Variants in PCDHGB7 observed in about 807,000 individuals in gnomAD.
The protein encoded by PCDHGB7 is protocadherin gamma-B7.
Under a neutral mutation model 61.4 loss-of-function variants are expected in PCDHGB7, and 37 were observed. That is an observed-to-expected ratio of 0.60 (90% CI 0.46 to 0.79). The LOEUF is 0.79. PCDHGB7 is among the 30% of genes least tolerant of loss of function. The pLI is 0.00. For synonymous variants in PCDHGB7, 464 were observed against 503.5 expected, an observed-to-expected ratio of 0.92 and a Z score of 1.05; for missense variants, 1,166 against 1,202.5, an observed-to-expected ratio of 0.97 and a Z score of 0.45.
chr5:141,477,007 A>C lies in PCDHGB7; in HGVS notation c.2416-17800A>C, dbSNP rs891158982. The C allele has an allele frequency of 1.9e-6, 3 of 1,614,258 alleles. No individual in the cohort carries two copies. The Admixed American group carries it at 5.0e-5, about 27-fold the overall frequency. ...CCGGCGTGCGGCAACTATTCGCCTT[A>C]GACCTTGTAACCGGGATGCTGACAA... On this transcript the variant is annotated intron_variant, in intron 1 of 3. Coordinates refer to ENST00000398594, the MANE Select transcript of PCDHGB7 (RefSeq NM_018927.4). This position sits in a 1 kb window ranked among gnomAD's most constrained non-coding sequence, Gnocchi z 4.9.
rs1032445242 is a variant in PCDHGB7 at position 141,487,571 on chromosome 5, G to C, written c.2416-7236G>C. The C allele has an allele frequency of 6.2e-7, 1 of 1,614,060 alleles. No homozygotes were observed. The highest frequency in any genetic ancestry group is 8.5e-7 in the Non-Finnish European group (1 of 1,180,046). ...CAGTGCACCTATGGCAGGGGAGCCTGTTCGCCCAAGCTGCCCACCCTCTGA... is the reference window on the plus strand; with the variant it reads ...CAGTGCACCTATGGCAGGGGAGCCTCTTCGCCCAAGCTGCCCACCCTCTGA... On this transcript the variant is annotated intron_variant, in intron 1 of 3. Transcript: ENST00000398594. This position sits in a 1 kb window ranked among gnomAD's most constrained non-coding sequence, Gnocchi z 5.0.
intron 2 of PCDHGB7, among the ~76,000 whole-genome samples, chr5:141,502,944 A>G (rs1447378539): frequency 1.4e-5 from 2 of 145,406 alleles, no homozygotes; most frequent in Non-Finnish European, 1.5e-5. Context: ...CCTGGGTTCA[A>G]GCGATTCTCC....
rs779651957 is a variant in PCDHGB7, at chr5:141,431,167, T to G, written c.2415+10893T>G. 2 of 1,614,118 alleles carry G rather than the reference T, an allele frequency of 1.2e-6. No individual in the cohort carries two copies. Among genetic ancestry groups the G allele is most frequent in the Non-Finnish European group, 1.7e-6 (2 of 1,180,014 alleles). The stretch of plus-strand genomic sequence containing the variant: ...ACAATGCGCCTTACTTTCGTGAAAG[T>G]GAATTAGAAATAAAAATTAGTGAAA... On this transcript the variant is annotated intron_variant, in intron 1 of 3. Transcript: ENST00000398594. The surrounding 1 kb of genome is among the most constrained non-coding windows in gnomAD (Gnocchi z 4.8).
chr5:141,422,422 T>TA, intron 1 of PCDHGB7: 1 of 1,607,804 alleles, frequency 6.2e-7, no homozygotes, highest in Non-Finnish European at 8.5e-7. Flanking sequence ...AGAAAAGACT[T>TA]ATGGAAATTA....
intron 1 of PCDHGB7, among the ~76,000 whole-genome samples, chr5:141,471,706 A>G (rs2099262749): frequency 6.6e-6 from 1 of 152,212 alleles, no homozygotes; most frequent in African/African-American, 2.4e-5. Context: ...CTGGAATAGA[A>G]GTGCCACTTA....
In PCDHGB7 at chr5:141,432,866, G is replaced by A; in HGVS notation, c.2415+12592G>A. The A allele has an allele frequency of 6.2e-7, 1 of 1,614,152 alleles. No individual in the cohort carries two copies. The highest frequency in any genetic ancestry group is 8.5e-7 in the Non-Finnish European group (1 of 1,180,008). On this transcript the variant is annotated intron_variant, in intron 1 of 3. Transcript: ENST00000398594. This position sits in a 1 kb window ranked among gnomAD's most constrained non-coding sequence, Gnocchi z 6.0. ...GGTAGCGGTGGCCGCGGTCTCCTGC[G>A]TCTTCCTGGCCTTCGTCATCTTGCT...
chr5:141,507,097 A>G (rs1343795018), intron 3 of PCDHGB7: 1 of 152,082 alleles, frequency 6.6e-6, no homozygotes, highest in African/African-American at 2.4e-5. Flanking sequence ...TGCTCTTTCT[A>G]CTATAGGGAC....
intron 2 of PCDHGB7, among the ~76,000 whole-genome samples, chr5:141,503,340 T>A (rs1394172617): frequency 6.6e-6 from 1 of 152,064 alleles, no homozygotes; most frequent in African/African-American, 2.4e-5. Flanking sequence ...CTCACGCCTG[T>A]AATTCCAGCA....
chr5:141,481,207 C>T (rs1287298617), intron 1 of PCDHGB7, among the ~76,000 whole-genome samples: 3 of 152,154 alleles, frequency 2.0e-5, no homozygotes, highest in Non-Finnish European at 1.5e-5. Flanking sequence ...TTTTAAAAAA[C>T]ATGGTAAGGT....
intron 1 of PCDHGB7, among the ~76,000 whole-genome samples, chr5:141,457,912 C>T (rs991917175): frequency 1.3e-5 from 2 of 152,120 alleles, no homozygotes; most frequent in African/African-American, 4.8e-5. Context: ...GGTGTGAGGC[C>T]AGTTCTCCCC....
Position 141,511,208 on chromosome 5 carries a change from C to T in PCDHGB7, c.*35C>T, listed in dbSNP as rs1278180818. 27 of 1,610,922 alleles carry T rather than the reference C, an allele frequency of 1.7e-5. No individual in the cohort carries two copies. Among genetic ancestry groups the T allele is most frequent in the Non-Finnish European group, 2.3e-5 (27 of 1,178,572 alleles). ...CAGGCCAAGAGCCACAGGGCGGCCT[C>T]TCCCCAACCAGCCCAGCTTCTCCTT... On this transcript the variant is annotated 3_prime_UTR_variant, in exon 4 of 4. Coordinates refer to ENST00000398594, the MANE Select transcript of PCDHGB7 (RefSeq NM_018927.4).
At chr5:141,440,593 T>C (rs1456640262) in intron 1 of PCDHGB7, 1 of 152,202 alleles carries the variant, frequency 6.6e-6, no homozygotes, top group African/African-American at 2.4e-5. Context: ...TGGAACAAGA[T>C]TTGCAACAGA....
At chr5:141,445,781 G>A (rs1424622281) in intron 1 of PCDHGB7, among the ~76,000 whole-genome samples, 25 of 152,112 alleles carry the variant, frequency 1.6e-4, no homozygotes, top group Admixed American at 1.6e-3. Flanking sequence ...AAAGGGCTAG[G>A]GAGGCTAGAA....
At chr5:141,504,634 AG>A (rs2099839600) in intron 2 of PCDHGB7, among the ~76,000 whole-genome samples, 1 of 115,756 alleles carries the variant, frequency 8.6e-6, no homozygotes, top group Non-Finnish European at 1.7e-5. Context: ...ACCTTGGAAA[AG>A]GTTTGATGAT....
rs200843744 is a variant in PCDHGB7, at chr5:141,491,417, G to C, written c.2416-3390G>C. 18 of 1,613,988 alleles carry C rather than the reference G, an allele frequency of 1.1e-5. No individual in the cohort carries two copies. Among genetic ancestry groups the C allele is most frequent in the Admixed American group, 5.0e-5 (3 of 60,006 alleles). ...CAGGGAAACGCAGACGGGGACGGGGGTGGAGGGCAGTGCTGCAGGCGCCAG... is the reference window on the plus strand; with the variant it reads ...CAGGGAAACGCAGACGGGGACGGGGCTGGAGGGCAGTGCTGCAGGCGCCAG... On this transcript the variant is annotated intron_variant, in intron 1 of 3. Transcript: ENST00000398594. This position sits in a 1 kb window ranked among gnomAD's most constrained non-coding sequence, Gnocchi z 6.9.
rs543209695 is a variant in PCDHGB7, at chr5:141,431,563, C to A, written c.2415+11289C>A. The stretch of plus-strand genomic sequence containing the variant: ...AGCTGCTTGTAGTCAACGCTACCGA[C>A]CCTGACGAAGGAGTCAATGCGGAAG... On this transcript the variant is annotated intron_variant, in intron 1 of 3. Coordinates refer to ENST00000398594, the MANE Select transcript of PCDHGB7 (RefSeq NM_018927.4). The surrounding 1 kb of genome is among the most constrained non-coding windows in gnomAD (Gnocchi z 4.8). 1.2e-6 allele frequency: 2 copies of A among 1,614,144 alleles called. No individual in the cohort carries two copies. The highest frequency in any genetic ancestry group is 2.7e-5 in the African/African-American group (2 of 75,072).
intron 3 of PCDHGB7, among the ~76,000 whole-genome samples, chr5:141,509,685 A>G (rs923641083): frequency 6.6e-6 from 1 of 152,166 alleles, no homozygotes. Flanking sequence ...TCTTCTGTAC[A>G]GTGGGACGTT....
intron 1 of PCDHGB7, among the ~76,000 whole-genome samples, chr5:141,445,620 C>T (rs561235315): frequency 2.0e-5 from 3 of 151,966 alleles, no homozygotes; most frequent in African/African-American, 4.8e-5. Context: ...TTCTTTTTTT[C>T]GGAAAGTGAT....
chr5:141,499,751 A>G (rs1355923543), intron 2 of PCDHGB7, among the ~76,000 whole-genome samples: 2 of 149,258 alleles, frequency 1.3e-5, no homozygotes, highest in Non-Finnish European at 3.0e-5. Flanking sequence ...CTGTGGCACA[A>G]TCTCAGCTCA....
Sources: allele counts gnomAD v4.1 joint callset (sites outside exome capture counted in the v4.1 genomes callset), GRCh38; gene constraint gnomAD v4.1.1; non-coding constraint Gnocchi (gnomAD v3.1); transcripts MANE v1.5; gene names NCBI Gene and HGNC (gene_info 2026-07-23, HGNC 2026-07-21).